RBFOX3: variants seen among roughly 807,000 people sequenced by gnomAD.
RBFOX3 encodes the protein RNA binding fox-1 homolog 3.
In RBFOX3, 17 loss-of-function variants were observed where a neutral mutation model predicts 48.7. The observed-to-expected ratio is 0.35, with a 90% CI of 0.24 to 0.52. The LOEUF (loss-of-function observed/expected upper bound fraction) is 0.52, where lower values mean the gene tolerates loss of function less well. Ranked by LOEUF, RBFOX3 falls within the 20% of genes least tolerant of loss-of-function variation. RBFOX3 has a pLI of 0.94. For synonymous variants in RBFOX3, 212 were observed against 209.5 expected (o/e 1.01, Z -0.10); for missense variants, 382 against 497.5 (o/e 0.77, Z 2.21).
chr17:79,212,734 GA>G lies in RBFOX3; in HGVS notation c.-34+23031del, dbSNP rs1333923701. Among the ~76,000 whole-genome samples the G allele has an allele frequency of 6.6e-6, 1 of 152,162 alleles. No homozygotes were observed. Among genetic ancestry groups the G allele is most frequent in the Non-Finnish European group, 1.5e-5 (1 of 68,024 alleles). On this transcript the variant is annotated intron_variant, in intron 4 of 14. Transcript: ENST00000693108. This position sits in a 1 kb window ranked among gnomAD's most constrained non-coding sequence, Gnocchi z 4.7. Reference sequence around the variant, plus strand: ...TGTTTCCCCTTTTGTCCTAGAATGAGAAAAGCAGGCTGTGGGGAGGGGCGGG... The same window carrying G: ...TGTTTCCCCTTTTGTCCTAGAATGAGAAAGCAGGCTGTGGGGAGGGGCGGG...
chr17:79,446,875 C>A (rs1164012745), intron 2 of RBFOX3, among the ~76,000 whole-genome samples: 4 of 152,162 alleles, frequency 2.6e-5, no homozygotes, highest in Non-Finnish European at 4.4e-5. Flanking sequence ...ACCACGGCTT[C>A]AATAAAGCTG....
At chr17:79,589,680 CT>C (rs2093360969) in intron 1 of RBFOX3, among the ~76,000 whole-genome samples, 1 of 152,150 alleles carries the variant, frequency 6.6e-6, no homozygotes, top group Admixed American at 6.5e-5. Flanking sequence ...CTGGGACCCC[CT>C]GGAAGGGACC....
At chr17:79,466,188 G>A (rs2076289957) in intron 2 of RBFOX3, among the ~76,000 whole-genome samples, 1 of 152,290 alleles carries the variant, frequency 6.6e-6, no homozygotes, top group South Asian at 2.1e-4. Context: ...GGTGGGACTG[G>A]GCCCCAGCGG....
intron 1 of RBFOX3, among the ~76,000 whole-genome samples, chr17:79,552,137 A>G (rs2091214670): frequency 6.6e-6 from 1 of 152,218 alleles, no homozygotes; most frequent in African/African-American, 2.4e-5. Flanking sequence ...TTTTGTGGGT[A>G]GCAGAATGGA....
At chr17:79,258,531 G>T (rs552280620) in intron 3 of RBFOX3, among the ~76,000 whole-genome samples, 6 of 152,292 alleles carry the variant, frequency 3.9e-5, no homozygotes, top group South Asian at 2.1e-4. Context: ...TGGAACACAG[G>T]TTCCCCAGCC....
At chr17:79,265,227 T>C (rs9904414) in intron 3 of RBFOX3, among the ~76,000 whole-genome samples, 71,401 of 152,034 alleles carry the variant, frequency 0.47, 17,331 homozygotes, top group Non-Finnish European at 0.54. Context: ...TGAAACCAGG[T>C]TTCATGAGCT....
chr17:79,540,454 C>T (rs1356425228), intron 1 of RBFOX3, among the ~76,000 whole-genome samples: 1 of 152,240 alleles, frequency 6.6e-6, no homozygotes, highest in Non-Finnish European at 1.5e-5. Context: ...GGCGTCCAGG[C>T]CCCAGCCCCA....
chr17:79,139,960 TGCAG>T (rs200269785), intron 4 of RBFOX3, among the ~76,000 whole-genome samples: 2,966 of 152,206 alleles, frequency 0.019, 39 homozygotes, highest in Middle Eastern at 0.031. Flanking sequence ...AGGCTTTCCC[TGCAG>T]GTAAAAGGGG....
At chr17:79,177,843 C>T (rs762938661) in intron 4 of RBFOX3, among the ~76,000 whole-genome samples, 3 of 152,326 alleles carry the variant, frequency 2.0e-5, no homozygotes, top group Admixed American at 6.5e-5. Flanking sequence ...CTCAATCAAG[C>T]GCAGAGTTAG....
At chr17:79,138,983 A>G (rs867006145) in intron 4 of RBFOX3, among the ~76,000 whole-genome samples, 58 of 83,162 alleles carry the variant, frequency 7.0e-4, no homozygotes, top group African/African-American at 2.6e-3. Flanking sequence ...ATGCGTTCAC[A>G]CCCCCTCACA....
intron 4 of RBFOX3, among the ~76,000 whole-genome samples, chr17:79,164,053 GGT>G (rs1045382921): frequency 6.6e-6 from 1 of 152,220 alleles, no homozygotes; most frequent in African/African-American, 2.4e-5. Flanking sequence ...CTCAGACAGA[GGT>G]GTGGGCTCCA....
chr17:79,538,995 C>T (rs1416794818), intron 1 of RBFOX3, among the ~76,000 whole-genome samples: 1 of 152,162 alleles, frequency 6.6e-6, no homozygotes, highest in African/African-American at 2.4e-5. Flanking sequence ...ACTCCACCTT[C>T]CTCAAGTTGG....
At chr17:79,626,280 C>T in the RBFOX3 span, among the ~76,000 whole-genome samples, 6 of 152,108 alleles carry the variant, frequency 3.9e-5, no homozygotes, top group Non-Finnish European at 1.5e-5. Flanking sequence ...CCTCCCACCC[C>T]ATCCCATTCC....
rs2061442025 is a variant in RBFOX3 at position 79,392,067 on chromosome 17, G to A, written c.-174-84243C>T. Among the ~76,000 whole-genome samples the A allele has an allele frequency of 6.6e-6, 1 of 152,212 alleles. No homozygotes were observed. Among genetic ancestry groups the A allele is most frequent in the Non-Finnish European group, 1.5e-5 (1 of 68,054 alleles). Reference sequence around the variant, plus strand: ...CGACAAGCAACAGGGTTCCCATAGTGCCCGGGCACTTCGGACCCGCTGCGG... The same window carrying A: ...CGACAAGCAACAGGGTTCCCATAGTACCCGGGCACTTCGGACCCGCTGCGG... On this transcript the variant is annotated intron_variant, in intron 2 of 14. Coordinates refer to ENST00000693108, the MANE Select transcript of RBFOX3 (RefSeq NM_001350451.2). This position sits in a 1 kb window ranked among gnomAD's most constrained non-coding sequence, Gnocchi z 5.0.
intron 1 of RBFOX3, among the ~76,000 whole-genome samples, chr17:79,571,757 G>T (rs1043115442): frequency 1.3e-5 from 2 of 152,126 alleles, no homozygotes; most frequent in African/African-American, 4.8e-5. Flanking sequence ...TGAACTTGCT[G>T]CAGGGGGTCT....
chr17:79,335,264 G>A (rs536635258), intron 2 of RBFOX3, among the ~76,000 whole-genome samples: 1 of 152,360 alleles, frequency 6.6e-6, no homozygotes, highest in African/African-American at 2.4e-5. Flanking sequence ...AGATGGAGAT[G>A]TCCATTTGCG....
In RBFOX3 at chr17:79,463,499, G is replaced by T. The variant is rs1321023618; in HGVS notation, c.-175+18955C>A. On this transcript the variant is annotated intron_variant, in intron 2 of 14. Transcript: ENST00000693108. The stretch of plus-strand genomic sequence containing the variant: ...CTCCACTGCCATCGCCACTGCCACT[G>T]CCATCGCCACTGCCACCTCCACCAT... Among the ~76,000 whole-genome samples, 144 of 51,454 alleles carry T rather than the reference G, an allele frequency of 2.8e-3. 2 individuals carry two copies. Among genetic ancestry groups the T allele is most frequent in the Middle Eastern group, 0.017 (1 of 58 alleles). 33.8% of individuals were successfully genotyped at this position (51,454 alleles called of 152,430 possible).
intron 1 of RBFOX3, among the ~76,000 whole-genome samples, chr17:79,512,759 G>A (rs868941204): frequency 1.8e-4 from 26 of 146,078 alleles, no homozygotes; most frequent in African/African-American, 4.5e-4. Flanking sequence ...CCCATGGCCA[G>A]GGGACACCCA....
the RBFOX3 span, among the ~76,000 whole-genome samples, chr17:79,626,786 G>A: frequency 1.3e-5 from 2 of 152,216 alleles, no homozygotes; most frequent in Non-Finnish European, 2.9e-5. Context: ...ACACCCTTAG[G>A]ATGGGGAGTC....
Sources: allele counts gnomAD v4.1 joint callset (sites outside exome capture counted in the v4.1 genomes callset), GRCh38; gene constraint gnomAD v4.1.1; non-coding constraint Gnocchi (gnomAD v3.1); transcripts MANE v1.5; gene names NCBI Gene and HGNC (gene_info 2026-07-23, HGNC 2026-07-21).